The following WDR37 variants were observed in gnomAD, a reference collection of about 807,000 sequenced individuals.
The protein encoded by WDR37 is WD repeat-containing protein 37.
Under a neutral mutation model 62.9 loss-of-function variants are expected in WDR37, and 19 were observed. That is an observed-to-expected ratio of 0.30 (90% CI 0.21 to 0.44). The LOEUF (loss-of-function observed/expected upper bound fraction) is 0.44, where lower values mean the gene tolerates loss of function less well. WDR37 is among the 20% of genes least tolerant of loss of function. The pLI is 1.00. For synonymous variants in WDR37, 250 were observed against 260.9 expected, an observed-to-expected ratio of 0.96 and a Z score of 0.40; for missense variants, 474 against 657.6, an observed-to-expected ratio of 0.72 and a Z score of 3.05.
chr10:1,081,126 TA>T (rs1365719074), intron 5 of WDR37, among the ~76,000 whole-genome samples: 1 of 152,254 alleles, frequency 6.6e-6, no homozygotes, highest in East Asian at 1.9e-4. Flanking sequence ...AGTTACATTT[TA>T]GTTCATTATG....
intron 1 of WDR37, among the ~76,000 whole-genome samples, chr10:1,069,400 T>G (rs1461036317): frequency 8.4e-5 from 12 of 142,424 alleles, no homozygotes; most frequent in African/African-American, 2.8e-4. Flanking sequence ...TTTTTTTTTT[T>G]TTTTTTTGCA....
intron 1 of WDR37, among the ~76,000 whole-genome samples, chr10:1,066,766 C>T (rs1213695567): frequency 6.6e-6 from 1 of 152,148 alleles, no homozygotes; most frequent in Non-Finnish European, 1.5e-5. Flanking sequence ...TGAGATTGGG[C>T]AATTTACAAA....
At chr10:1,124,858 AC>A (rs1440918256) in intron 12 of WDR37, 51 bp from the exon 13 acceptor site, 45 of 1,597,638 alleles carry the variant, frequency 2.8e-5, no homozygotes, top group Non-Finnish European at 3.6e-5. Flanking sequence ...CAACTCAAAA[AC>A]TTACAGTGTC....
intron 1 of WDR37, among the ~76,000 whole-genome samples, chr10:1,058,083 A>ACACGG (rs144703830): frequency 5.4e-5 from 2 of 36,732 alleles, no homozygotes; most frequent in Non-Finnish European, 1.7e-4. Context: ...CGGTATGTAA[A>ACACGG]TATGAACTCA....
At chr10:1,108,692 T>C (rs1835102084) in intron 11 of WDR37, among the ~76,000 whole-genome samples, 1 of 150,480 alleles carries the variant, frequency 6.6e-6, no homozygotes, top group Admixed American at 6.7e-5. Context: ...TTTGTTGGTG[T>C]TGGTGGTTGT....
At chr10:1,063,881 C>G (rs1211920814) in intron 1 of WDR37, among the ~76,000 whole-genome samples, 2 of 152,244 alleles carry the variant, frequency 1.3e-5, no homozygotes, top group East Asian at 3.9e-4. Flanking sequence ...GAGGCCTGCT[C>G]TAACAGAAGA....
chr10:1,086,437 C>A, intron 7 of WDR37, 80 bp downstream of exon 7: 2 of 1,133,530 alleles, frequency 1.8e-6, no homozygotes, highest in Non-Finnish European at 2.6e-6. Flanking sequence ...ATGATAAAGC[C>A]AGCTGCTACT....
chr10:1,091,039 C>CAA (rs1427006693), intron 7 of WDR37, among the ~76,000 whole-genome samples: 1 of 152,206 alleles, frequency 6.6e-6, no homozygotes, highest in Non-Finnish European at 1.5e-5. Context: ...ATCCTAACCC[C>CAA]AACATGATTC....
chr10:1,123,943 C>A, intron 11 of WDR37: 1 of 406,638 alleles, frequency 2.5e-6, no homozygotes, highest in Non-Finnish European at 4.4e-6. Flanking sequence ...TTCTGTCCAA[C>A]CCTACTTTCT....
intron 2 of WDR37, among the ~76,000 whole-genome samples, chr10:1,076,132 T>C (rs1337344608): frequency 6.6e-6 from 1 of 151,938 alleles, no homozygotes; most frequent in Non-Finnish European, 1.5e-5. Context: ...CATTTTCCTT[T>C]CTTTTTTTTT....
chr10:1,117,385 G>A (rs1564512161), intron 11 of WDR37, among the ~76,000 whole-genome samples: 1 of 152,160 alleles, frequency 6.6e-6, no homozygotes, highest in Non-Finnish European at 1.5e-5. Context: ...TCGCTTCCAA[G>A]TTAGAATATT....
intron 1 of WDR37, among the ~76,000 whole-genome samples, chr10:1,066,332 G>T (rs1309659891): frequency 1.3e-5 from 2 of 152,180 alleles, no homozygotes; most frequent in Non-Finnish European, 2.9e-5. Context: ...TAGCTAGGAT[G>T]GTCTCGAAGT....
chr10:1,078,936 GTAAC>G (rs1286446997), intron 3 of WDR37, among the ~76,000 whole-genome samples: 4 of 152,194 alleles, frequency 2.6e-5, no homozygotes, highest in Non-Finnish European at 2.9e-5. Context: ...TTTTCACTCT[GTAAC>G]TAAGTGGTGT....
rs1313496293 is a variant in WDR37, at chr10:1,056,906, G to A, written c.-103G>A. 2 of 152,562 alleles carry A rather than the reference G, an allele frequency of 1.3e-5. No homozygotes were observed. Among genetic ancestry groups the A allele is most frequent in the Non-Finnish European group, 2.9e-5 (2 of 68,312 alleles). 9.5% of individuals were successfully genotyped at this position (152,562 alleles called of 1,614,324 possible). On this transcript the variant is annotated 5_prime_UTR_variant, in exon 1 of 14. Transcript: ENST00000263150. ...TCAGTACGGGGGGCCGCGTCGTAGG[G>A]ACTCACTGGCGGTGCGCGACCTGGG... is the stretch of plus-strand genomic sequence containing the variant.
intron 7 of WDR37, 75 bp from the exon 8 acceptor site, chr10:1,093,377 A>C: frequency 8.6e-7 from 1 of 1,166,646 alleles, no homozygotes; most frequent in Non-Finnish European, 1.2e-6. Flanking sequence ...TTTGAAATAC[A>C]CGCTATAGCT....
chr10:1,092,931 A>T (rs1228347154), intron 7 of WDR37, among the ~76,000 whole-genome samples: 1 of 148,602 alleles, frequency 6.7e-6, no homozygotes, highest in East Asian at 2.0e-4. Flanking sequence ...TTTTGTAAGG[A>T]AAGTGGGAGG....
rs1200189519 is a variant in WDR37, at chr10:1,080,400, C to G, written c.332-12C>G. On this transcript the variant is annotated splice_polypyrimidine_tract_variant and intron_variant, in intron 4 of 13. Transcript: ENST00000263150. ...TGTGATTGTGTTTGATTGTCACTCT[C>G]TGTCCCTGCAGCCAGTCACAGCACC... 2 of 1,614,114 alleles carry G rather than the reference C, an allele frequency of 1.2e-6. No homozygotes were observed. Among genetic ancestry groups the G allele is most frequent in the Non-Finnish European group, 8.5e-7 (1 of 1,180,016 alleles).
chr10:1,113,701 A>C (rs1377259699), intron 11 of WDR37, among the ~76,000 whole-genome samples: 1 of 152,220 alleles, frequency 6.6e-6, no homozygotes, highest in Non-Finnish European at 1.5e-5. Flanking sequence ...TAGGATTAGA[A>C]GTGGATCCTG....
chr10:1,111,808 G>T (rs1564510688), intron 11 of WDR37, among the ~76,000 whole-genome samples: 1 of 152,154 alleles, frequency 6.6e-6, no homozygotes, highest in African/African-American at 2.4e-5. Flanking sequence ...ATGTGAAGTT[G>T]TAGTATGTGT....
Sources: allele counts gnomAD v4.1 joint callset (sites outside exome capture counted in the v4.1 genomes callset), GRCh38; gene constraint gnomAD v4.1.1; transcripts MANE v1.5; gene names NCBI Gene and HGNC (gene_info 2026-07-23, HGNC 2026-07-21).